GSTCD: variants seen among roughly 807,000 people sequenced by gnomAD.
The protein encoded by GSTCD is glutathione S-transferase C-terminal domain-containing protein.
In GSTCD, 44 loss-of-function variants were observed where a neutral mutation model predicts 68.3. That is an observed-to-expected ratio of 0.64 (90% CI 0.51 to 0.83). The LOEUF is 0.83. GSTCD is among the 40% of genes least tolerant of loss of function. The pLI is 0.00. For synonymous variants in GSTCD, 273 were observed against 255.2 expected (o/e 1.07, Z -0.67); for missense variants, 739 against 735.9 (o/e 1.00, Z -0.05).
Position 105,719,367 on chromosome 4 carries a change from A to T in GSTCD, c.734A>T (p.Lys245Met), listed in dbSNP as rs757571084. Residue 245 changes from lysine to methionine, a missense_variant, in exon 3 of 12, where the codon AAG becomes ATG. Physicochemically the swap from Lys to Met is moderately conservative, Grantham distance 95 (BLOSUM62 -1). Transcript: ENST00000515279. ...KSLELKVAFS[K>M]LTVQEEPATT... ...CTGGAACTGAAAGTGGCATTCTCAA[A>T]GCTCACAGTACAGGAAGAACCAGCT... 4 of 1,614,000 alleles carry T rather than the reference A, an allele frequency of 2.5e-6. No individual in the cohort carries two copies. Among genetic ancestry groups the T allele is most frequent in the Non-Finnish European group, 3.4e-6 (4 of 1,179,994 alleles).
chr4:105,844,720 T>C (rs1246192189), intron 11 of GSTCD, among the ~76,000 whole-genome samples: 1 of 152,230 alleles, frequency 6.6e-6, no homozygotes, highest in Admixed American at 6.5e-5. Flanking sequence ...TGGCTTTGAA[T>C]ATATTCAGCC....
At chr4:105,769,241 A>AT (rs1734744061) in intron 5 of GSTCD, among the ~76,000 whole-genome samples, 6 of 23,548 alleles carry the variant, frequency 2.5e-4, no homozygotes, top group African/African-American at 4.3e-4. Flanking sequence ...GCGCACACAC[A>AT]CACACACACA....
chr4:105,821,466 A>G (rs903236025), intron 5 of GSTCD, among the ~76,000 whole-genome samples: 2 of 151,942 alleles, frequency 1.3e-5, no homozygotes, highest in Non-Finnish European at 2.9e-5. Context: ...AAATGAAGAT[A>G]GTTCTTTTAA....
chr4:105,735,185 A>G (rs1417931711), intron 5 of GSTCD, among the ~76,000 whole-genome samples: 2 of 152,182 alleles, frequency 1.3e-5, no homozygotes, highest in African/African-American at 4.8e-5. Flanking sequence ...CTCTGCTGGG[A>G]GAACCACTAC....
chr4:105,833,190 C>T (rs11732629), intron 8 of GSTCD, among the ~76,000 whole-genome samples: 2 of 152,210 alleles, frequency 1.3e-5, no homozygotes, highest in African/African-American at 2.4e-5. Context: ...TTTCGCTGGG[C>T]GCGGTGGCTC....
In GSTCD at chr4:105,841,915, A is replaced by G. The variant is rs551026767; in HGVS notation, c.1696-150A>G. The G allele has an allele frequency of 7.0e-5, 43 of 618,496 alleles. 2 individuals are homozygous for G. The South Asian group carries it at 8.5e-4, about 12-fold the overall frequency. 38.3% of individuals were successfully genotyped at this position (618,496 alleles called of 1,614,324 possible). A position where few individuals can be genotyped will look rare whatever the true frequency, so the allele number is the denominator to read the frequency against. ...ATTAAGTACCATCTTCTGAAAGTTT[A>G]CTTTTTTCAAAAATACTATTTGTGC... On this transcript the variant is annotated intron_variant, in intron 10 of 11. Coordinates refer to ENST00000515279, the MANE Select transcript of GSTCD (RefSeq NM_001370181.1).
chr4:105,813,746 CTT>C (rs1722851313), intron 5 of GSTCD, among the ~76,000 whole-genome samples: 1 of 152,126 alleles, frequency 6.6e-6, no homozygotes, highest in African/African-American at 2.4e-5. Flanking sequence ...TGCTTTTTCT[CTT>C]GTTTCCCATG....
intron 8 of GSTCD, among the ~76,000 whole-genome samples, chr4:105,831,020 T>A (rs1385877018): frequency 6.6e-6 from 1 of 152,212 alleles, no homozygotes; most frequent in Admixed American, 6.5e-5. Flanking sequence ...ACCAATGAGT[T>A]GAACAGCATT....
intron 1 of GSTCD, chr4:105,709,274 A>C (rs1392279773): frequency 6.6e-6 from 1 of 152,152 alleles, no homozygotes; most frequent in African/African-American, 2.4e-5. Context: ...CCAGTCCCTC[A>C]TGTCTTCCTC....
intron 3 of GSTCD, among the ~76,000 whole-genome samples, chr4:105,726,336 G>A (rs746762545): frequency 6.6e-6 from 1 of 152,098 alleles, no homozygotes; most frequent in Admixed American, 6.6e-5. Flanking sequence ...ACAGAAAGCC[G>A]ATCAGTGGTT....
intron 5 of GSTCD, among the ~76,000 whole-genome samples, chr4:105,743,167 G>T (rs895550612): frequency 1.3e-5 from 2 of 151,954 alleles, no homozygotes; most frequent in Non-Finnish European, 2.9e-5. Flanking sequence ...AGCCAGGATG[G>T]TCTCGATCTC....
At chr4:105,808,085 A>G (rs1722595011) in intron 5 of GSTCD, among the ~76,000 whole-genome samples, 1 of 152,112 alleles carries the variant, frequency 6.6e-6, no homozygotes, top group Non-Finnish European at 1.5e-5. Context: ...TGTTTACTAA[A>G]TATAATAGAC....
At chr4:105,766,314 G>A (rs1734605028) in intron 5 of GSTCD, among the ~76,000 whole-genome samples, 1 of 152,154 alleles carries the variant, frequency 6.6e-6, no homozygotes, top group Admixed American at 6.5e-5. Flanking sequence ...TGCTGCTGGA[G>A]ACACTATGGG....
intron 11 of GSTCD, among the ~76,000 whole-genome samples, chr4:105,844,438 C>G (rs909036850): frequency 6.6e-6 from 1 of 152,134 alleles, no homozygotes; most frequent in Non-Finnish European, 1.5e-5. Flanking sequence ...ATGTGAGTCT[C>G]TCATTGCTAA....
chr4:105,751,133 CTAA>C (rs1553959869), intron 5 of GSTCD, among the ~76,000 whole-genome samples: 5 of 152,042 alleles, frequency 3.3e-5, no homozygotes, highest in Non-Finnish European at 2.9e-5. Flanking sequence ...CAGTATTGCA[CTAA>C]TAATGATTTC....
intron 11 of GSTCD, among the ~76,000 whole-genome samples, chr4:105,843,328 CCTT>C (rs1724429568): frequency 6.6e-6 from 1 of 152,178 alleles, no homozygotes; most frequent in Non-Finnish European, 1.5e-5. Context: ...CAATGCCTTT[CCTT>C]CTTGCTCCTC....
rs768349216 is a variant in GSTCD at position 105,719,144 on chromosome 4, A to G, written c.511A>G (p.Thr171Ala). The change falls in exon 3 of 12, where the codon ACT (threonine) becomes GCT (alanine). Residue 171 changes from threonine (T) to alanine (A), a missense_variant. Coordinates refer to ENST00000515279, the MANE Select transcript of GSTCD (RefSeq NM_001370181.1). The part of the protein sequence containing the change: ...FLRESSDQPP[T>A]IPVEILQLEK... Reference sequence around the variant, plus strand: ...CAGAGAATCTTCTGACCAGCCCCCAACTATACCTGTAGAAATACTACAGCT... The same window carrying G: ...CAGAGAATCTTCTGACCAGCCCCCAGCTATACCTGTAGAAATACTACAGCT... 7.2e-5 allele frequency: 116 copies of G among 1,613,972 alleles called. No homozygotes were observed. The highest frequency in any genetic ancestry group is 9.7e-5 in the Non-Finnish European group (115 of 1,180,002).
chr4:105,720,596 G>A (rs1435405149), intron 3 of GSTCD, among the ~76,000 whole-genome samples: 1 of 152,194 alleles, frequency 6.6e-6, no homozygotes, highest in East Asian at 1.9e-4. Flanking sequence ...AAAAGAGAGA[G>A]ATCCAGGAAT....
At chr4:105,773,312 T>G (rs537040922) in intron 5 of GSTCD, among the ~76,000 whole-genome samples, 121 of 152,304 alleles carry the variant, frequency 7.9e-4, no homozygotes, top group Non-Finnish European at 1.5e-3. Context: ...ATCCAGCTCC[T>G]GGATTCATTG....
Sources: allele counts gnomAD v4.1 joint callset (sites outside exome capture counted in the v4.1 genomes callset), GRCh38; gene constraint gnomAD v4.1.1; transcripts MANE v1.5; gene names NCBI Gene and HGNC (gene_info 2026-07-23, HGNC 2026-07-21).